Variants in ADK observed in about 807,000 individuals in gnomAD.
ADK encodes adenosine kinase, also known as N6,N6-dimethyladenosine kinase.
A neutral mutation model predicts 44.7 loss-of-function variants in ADK; 24 were observed. That is an observed-to-expected ratio of 0.54 (90% CI 0.39 to 0.76). The LOEUF (loss-of-function observed/expected upper bound fraction) is 0.76. ADK is among the 30% of genes least tolerant of loss of function. The pLI is 0.00. For missense variants in ADK, 321 were observed against 425.1 expected, an observed-to-expected ratio of 0.76 and a Z score of 2.15; for synonymous variants, 128 against 142.6, an observed-to-expected ratio of 0.90 and a Z score of 0.73.
intron 10 of ADK, among the ~76,000 whole-genome samples, chr10:74,680,015 T>C (rs1043664103): frequency 3.3e-5 from 5 of 149,300 alleles, no homozygotes; most frequent in African/African-American, 1.2e-4. Context: ...CTATACTTAC[T>C]GTAAACAGAT....
chr10:74,429,196 A>C (rs1844898050), intron 6 of ADK, among the ~76,000 whole-genome samples: 1 of 152,364 alleles, frequency 6.6e-6, no homozygotes, highest in South Asian at 2.1e-4. Context: ...AATAGTGGAG[A>C]GTCATAAAAG....
chr10:74,344,501 T>G (rs1019451252), intron 4 of ADK: 10 of 224,164 alleles, frequency 4.5e-5, no homozygotes, highest in Non-Finnish European at 7.9e-5. Flanking sequence ...AGATGCATAC[T>G]CATTTCCAGT....
At chr10:74,452,349 G>T (rs1000847249) in intron 6 of ADK, among the ~76,000 whole-genome samples, 2 of 151,916 alleles carry the variant, frequency 1.3e-5, no homozygotes, top group South Asian at 2.1e-4. Flanking sequence ...AGAGCTCAAT[G>T]ATTTGCTTTT....
At position 74,200,842 on chromosome 10, in the gene ADK, A is replaced by C; in HGVS notation, c.140+4A>C. 3.8e-6 allele frequency: 6 copies of C among 1,573,774 alleles called. No individual in the cohort carries two copies. Among genetic ancestry groups the C allele is most frequent in the Non-Finnish European group, 5.2e-6 (6 of 1,143,844 alleles). On this transcript the variant is annotated splice_donor_region_variant and intron_variant, in intron 2 of 10. Transcript: ENST00000539909. ...TGGACAAAGATTTCCTTGATAAGTA[A>C]GTATTAAACTCTTCATATGCACTAT...
At chr10:74,220,163 C>T (rs574209359) in intron 2 of ADK, among the ~76,000 whole-genome samples, 2,767 of 151,774 alleles carry the variant, frequency 0.018, 92 homozygotes, top group African/African-American at 0.063. Context: ...ATCAAATAGA[C>T]GCAATAAAAA....
chr10:74,697,967 G>A (rs1856266781), intron 10 of ADK, among the ~76,000 whole-genome samples: 1 of 152,104 alleles, frequency 6.6e-6, no homozygotes, highest in Non-Finnish European at 1.5e-5. Flanking sequence ...ATCACATTTT[G>A]TAACATCAGT....
At chr10:74,243,086 C>G (rs1364743855) in intron 3 of ADK, among the ~76,000 whole-genome samples, 1 of 152,234 alleles carries the variant, frequency 6.6e-6, no homozygotes, top group Non-Finnish European at 1.5e-5. Flanking sequence ...CGGAGGGCAG[C>G]CACCCCACGC....
At chr10:74,605,268 T>C (rs896423854) in intron 9 of ADK, among the ~76,000 whole-genome samples, 1 of 152,218 alleles carries the variant, frequency 6.6e-6, no homozygotes, top group Admixed American at 6.5e-5. Context: ...TGGTCAGAAC[T>C]TCCAATACCA....
At chr10:74,484,955 G>A (rs1847212350) in intron 6 of ADK, among the ~76,000 whole-genome samples, 1 of 152,042 alleles carries the variant, frequency 6.6e-6, no homozygotes. Context: ...GGTAACTTTT[G>A]AGAATATCTG....
intron 6 of ADK, among the ~76,000 whole-genome samples, chr10:74,437,686 T>C (rs1845233176): frequency 6.6e-6 from 1 of 152,210 alleles, no homozygotes; most frequent in Non-Finnish European, 1.5e-5. Context: ...TTTCAAACCA[T>C]TCTCCACAGA....
intron 6 of ADK, among the ~76,000 whole-genome samples, chr10:74,459,280 CAA>C (rs1033294145): frequency 8.6e-6 from 1 of 115,714 alleles, no homozygotes; most frequent in African/African-American, 3.2e-5. Flanking sequence ...GACCTCATCT[CAA>C]AAAAAAAAAA....
intron 6 of ADK, among the ~76,000 whole-genome samples, chr10:74,469,499 A>G (rs764803980): frequency 1.3e-5 from 2 of 152,064 alleles, no homozygotes; most frequent in Non-Finnish European, 2.9e-5. Flanking sequence ...AGTAGCTAGG[A>G]CTACAGGCAC....
intron 6 of ADK, among the ~76,000 whole-genome samples, chr10:74,439,149 G>A (rs1845302275): frequency 6.6e-6 from 1 of 152,152 alleles, no homozygotes; most frequent in South Asian, 2.1e-4. Context: ...TATCAAAAAG[G>A]ATTATAGAAA....
Position 74,595,671 on chromosome 10 carries a change from C to CAGCGAGAA in ADK, c.763-4707_763-4706insGCGAGAAA, listed in dbSNP as rs1564810510. Among the ~76,000 whole-genome samples, 92 of 31,354 alleles carry CAGCGAGAA rather than the reference C, an allele frequency of 2.9e-3. 46 individuals carry two copies. The highest frequency in any genetic ancestry group is 4.0e-3 in the Non-Finnish European group (66 of 16,336). The allele number at this position is 31,354 out of a possible 152,430, so 20.6% of individuals were successfully genotyped here. A position where few individuals can be genotyped will look rare whatever the true frequency, so the allele number is the denominator to read the frequency against. On this transcript the variant is annotated intron_variant, in intron 8 of 10. Coordinates refer to ENST00000539909, the MANE Select transcript of ADK (RefSeq NM_006721.4). ...GATTACAAGCGTGAGCTACCGCGCCCATCGCCATATCAGTTCAACAGATTA... is the reference window on the plus strand; with the variant it reads ...GATTACAAGCGTGAGCTACCGCGCCCAGCGAGAAATCGCCATATCAGTTCAACAGATTA...
At chr10:74,259,456 C>CTTTTT (rs66533506) in intron 3 of ADK, among the ~76,000 whole-genome samples, 3 of 106,222 alleles carry the variant, frequency 2.8e-5, no homozygotes, top group African/African-American at 1.1e-4. Context: ...TTTTCTTTTC[C>CTTTTT]TTTTTTTTTT....
intron 10 of ADK, among the ~76,000 whole-genome samples, chr10:74,685,342 A>T (rs749166150): frequency 9.2e-5 from 14 of 152,242 alleles, no homozygotes; most frequent in Non-Finnish European, 1.8e-4. Context: ...AATAAAAATT[A>T]TGATATCTCT....
At chr10:74,504,387 G>A (rs1042752383) in intron 6 of ADK, among the ~76,000 whole-genome samples, 3 of 151,954 alleles carry the variant, frequency 2.0e-5, no homozygotes, top group Non-Finnish European at 2.9e-5. Context: ...AGTGCCGGGG[G>A]TTAGAGGCAC....
chr10:74,663,707 A>G (rs1273333233), intron 9 of ADK, among the ~76,000 whole-genome samples: 1 of 152,240 alleles, frequency 6.6e-6, no homozygotes, highest in Non-Finnish European at 1.5e-5. Flanking sequence ...AGATTTCCAA[A>G]TAAAAAGACT....
chr10:74,398,401 G>C, intron 5 of ADK, 70 bp from the exon 6 acceptor site: 1 of 969,810 alleles, frequency 1.0e-6, no homozygotes. Context: ...AAAAAATATT[G>C]GTAATTATCT....
Sources: gnomAD v4.1 joint callset for allele counts (sites outside exome capture counted in the v4.1 genomes callset) on GRCh38, gnomAD v4.1.1 for gene constraint, MANE v1.5 for transcripts, NCBI Gene and HGNC (gene_info 2026-07-23, HGNC 2026-07-21) for gene names.